The following TYW1 variants were observed in gnomAD, a reference collection of about 807,000 sequenced individuals.
The protein encoded by TYW1 is S-adenosyl-L-methionine-dependent tRNA 4-demethylwyosine synthase TYW1.
TYW1 carries 46 observed loss-of-function variants against 96.2 expected under a neutral mutation model. The observed-to-expected ratio is 0.48, with a 90% CI of 0.38 to 0.61. TYW1 has a LOEUF of 0.61. Among genes scored for constraint, TYW1 ranks in the 20% least tolerant of loss-of-function variants. TYW1 has a pLI of 0.00. For missense variants in TYW1, 684 were observed against 909.6 expected, an observed-to-expected ratio of 0.75 and a Z score of 3.19; for synonymous variants, 274 against 323.0, an observed-to-expected ratio of 0.85 and a Z score of 1.63.
At chr7:67,208,238 T>C (rs1462085395) in intron 15 of TYW1, among the ~76,000 whole-genome samples, 1 of 151,928 alleles carries the variant, frequency 6.6e-6, no homozygotes, top group Non-Finnish European at 1.5e-5. Flanking sequence ...AGAGGATCGC[T>C]TGAGCCTGGG....
intron 4 of TYW1, among the ~76,000 whole-genome samples, chr7:67,013,739 CTTTTTTTTT>C (rs931500833): frequency 1.0e-5 from 1 of 97,516 alleles, no homozygotes; most frequent in Non-Finnish European, 1.9e-5. Flanking sequence ...GCATTTTTTC[CTTTTTTTTT>C]TTTTTTTTTT....
At chr7:67,057,341 T>TG in intron 9 of TYW1, among the ~76,000 whole-genome samples, 1 of 151,390 alleles carries the variant, frequency 6.6e-6, no homozygotes, top group Non-Finnish European at 1.5e-5. Context: ...TACATTTTGC[T>TG]GGTGATGGTT....
intron 13 of TYW1, among the ~76,000 whole-genome samples, chr7:67,149,767 T>TATCTA (rs1798739936): frequency 1.2e-5 from 1 of 84,758 alleles, no homozygotes; most frequent in East Asian, 2.2e-4. Flanking sequence ...TCTATCTATC[T>TATCTA]ATCTATCTCT....
intron 13 of TYW1, among the ~76,000 whole-genome samples, chr7:67,164,902 T>C (rs1383886896): frequency 6.6e-6 from 1 of 152,000 alleles, no homozygotes; most frequent in African/African-American, 2.4e-5. Flanking sequence ...ATTATAAAGC[T>C]AGAATAAACA....
chr7:67,168,624 A>G (rs1250567588), intron 13 of TYW1, among the ~76,000 whole-genome samples: 2 of 152,222 alleles, frequency 1.3e-5, no homozygotes, highest in Non-Finnish European at 2.9e-5. Flanking sequence ...TCAAATGCCA[A>G]ATATCAAATA....
intron 13 of TYW1, among the ~76,000 whole-genome samples, chr7:67,117,958 C>T (rs180798899): frequency 1.5e-3 from 227 of 152,236 alleles, no homozygotes; most frequent in African/African-American, 5.1e-3. Context: ...ATACCCAACC[C>T]GGAATCTATG....
At chr7:67,152,161 C>G (rs1798823219) in intron 13 of TYW1, among the ~76,000 whole-genome samples, 1 of 152,096 alleles carries the variant, frequency 6.6e-6, no homozygotes, top group African/African-American at 2.4e-5. Context: ...GCCACACTGG[C>G]AGAGTGGGGT....
chr7:67,128,877 C>T (rs1311565343), intron 13 of TYW1, among the ~76,000 whole-genome samples: 2 of 151,934 alleles, frequency 1.3e-5, no homozygotes, highest in Admixed American at 6.6e-5. Context: ...TTACTAGATA[C>T]GGGGTTTTAC....
chr7:67,165,894 C>T (rs1285359394), intron 13 of TYW1, among the ~76,000 whole-genome samples: 4 of 152,096 alleles, frequency 2.6e-5, no homozygotes, highest in Non-Finnish European at 5.9e-5. Flanking sequence ...CGTGCCACTG[C>T]ACTCCAGCCT....
At chr7:67,040,911 G>A (rs1314228661) in intron 7 of TYW1, among the ~76,000 whole-genome samples, 1 of 152,016 alleles carries the variant, frequency 6.6e-6, no homozygotes, top group Non-Finnish European at 1.5e-5. Flanking sequence ...ATAATTTGTG[G>A]GTATGTAATT....
chr7:67,202,762 A>G (rs1800642962), intron 15 of TYW1, among the ~76,000 whole-genome samples: 1 of 152,196 alleles, frequency 6.6e-6, no homozygotes, highest in Non-Finnish European at 1.5e-5. Context: ...GTCATGTTGA[A>G]TGAAGGACTA....
intron 13 of TYW1, among the ~76,000 whole-genome samples, chr7:67,150,853 G>C (rs1477678281): frequency 1.3e-5 from 2 of 149,418 alleles, no homozygotes; most frequent in Non-Finnish European, 3.0e-5. Context: ...AAGAAACCCA[G>C]ATAATTTCGT....
intron 14 of TYW1, among the ~76,000 whole-genome samples, chr7:67,185,940 A>G (rs1233365199): frequency 7.4e-6 from 1 of 135,960 alleles, no homozygotes; most frequent in Non-Finnish European, 1.6e-5. Flanking sequence ...GTGTTACTCT[A>G]GAGGGGTGGG....
intron 13 of TYW1, among the ~76,000 whole-genome samples, chr7:67,169,142 T>C (rs561542444): frequency 1.3e-5 from 2 of 152,320 alleles, no homozygotes; most frequent in African/African-American, 2.4e-5. Flanking sequence ...TTTTTTCTTA[T>C]ATTTATATTA....
chr7:67,066,987 AT>A (rs1795886662), intron 9 of TYW1, among the ~76,000 whole-genome samples: 1 of 152,176 alleles, frequency 6.6e-6, no homozygotes, highest in South Asian at 2.1e-4. Context: ...ATTATATATT[AT>A]TGTATTAATG....
intron 6 of TYW1, among the ~76,000 whole-genome samples, chr7:67,024,545 C>G (rs1323342594): frequency 6.6e-6 from 1 of 151,984 alleles, no homozygotes; most frequent in African/African-American, 2.4e-5. Context: ...CTTTGGGAGG[C>G]TGAGGTGGGT....
intron 13 of TYW1, among the ~76,000 whole-genome samples, chr7:67,148,375 G>C (rs1174988190): frequency 6.7e-6 from 1 of 149,426 alleles, no homozygotes; most frequent in East Asian, 1.9e-4. Flanking sequence ...ACATGAGTCC[G>C]AGACTCCAAG....
intron 10 of TYW1, among the ~76,000 whole-genome samples, chr7:67,080,863 C>T (rs1322101169): frequency 6.7e-6 from 1 of 148,576 alleles, no homozygotes; most frequent in African/African-American, 2.5e-5. Flanking sequence ...GGACTTTAAT[C>T]CATTTACATT....
At chr7:67,044,309 G>A (rs1795120898) in intron 7 of TYW1, among the ~76,000 whole-genome samples, 1 of 151,866 alleles carries the variant, frequency 6.6e-6, no homozygotes, top group Admixed American at 6.6e-5. Context: ...TGTTGGCCAG[G>A]CTGTTCTAGA....
Sources: allele counts gnomAD v4.1 joint callset (sites outside exome capture counted in the v4.1 genomes callset), GRCh38; gene constraint gnomAD v4.1.1; transcripts MANE v1.5; gene names NCBI Gene and HGNC (gene_info 2026-07-23, HGNC 2026-07-21).